The following RAD51B variants were observed in gnomAD, a reference collection of about 807,000 sequenced individuals.
RAD51B encodes RAD51 paralog B, also known as DNA repair protein RAD51 homolog 2.
Under a neutral mutation model 42.2 loss-of-function variants are expected in RAD51B, and 38 were observed. That is an observed-to-expected ratio of 0.90 (90% CI 0.70 to 1.18). RAD51B has a LOEUF of 1.18. RAD51B is among the 50% of genes most tolerant of loss of function. The probability of loss-of-function intolerance (pLI) is 0.00; values close to 1 mark genes in which losing one functional copy is unlikely to be tolerated. For synonymous variants in RAD51B, 154 were observed against 145.2 expected, an observed-to-expected ratio of 1.06 and a Z score of -0.43; for missense variants, 373 against 400.7, an observed-to-expected ratio of 0.93 and a Z score of 0.59.
intron 6 of RAD51B, 28 bp from the exon 7 acceptor site, chr14:67,886,993 G>T: frequency 1.5e-6 from 2 of 1,332,634 alleles, no homozygotes; most frequent in South Asian, 1.5e-5. Flanking sequence ...TAAATTTATT[G>T]ACTATTTTAT....
intron 9 of RAD51B, among the ~76,000 whole-genome samples, chr14:68,444,710 T>C (rs572693653): frequency 6.6e-6 from 1 of 152,282 alleles, no homozygotes; most frequent in South Asian, 2.1e-4. Flanking sequence ...ATTTGCTGTA[T>C]TTTGTCACAC....
chr14:68,475,111 C>T (rs1465638054), intron 10 of RAD51B, among the ~76,000 whole-genome samples: 1 of 152,120 alleles, frequency 6.6e-6, no homozygotes, highest in East Asian at 1.9e-4. Context: ...ATCCCCCATC[C>T]CTTAAGGACA....
intron 9 of RAD51B, among the ~76,000 whole-genome samples, chr14:68,466,684 C>CA (rs1455769320): frequency 1.4e-4 from 21 of 152,328 alleles, no homozygotes; most frequent in African/African-American, 4.8e-4. Context: ...CTTATGAAAA[C>CA]ATAATCCAGA....
chr14:68,658,607 C>T (rs1282412711), intron 11 of RAD51B, among the ~76,000 whole-genome samples: 2 of 152,194 alleles, frequency 1.3e-5, no homozygotes, highest in Non-Finnish European at 2.9e-5. Flanking sequence ...GAATGAACTA[C>T]ACTCCATCCA....
At chr14:68,404,554 G>T (rs975971958) in intron 8 of RAD51B, among the ~76,000 whole-genome samples, 1 of 152,144 alleles carries the variant, frequency 6.6e-6, no homozygotes, top group Non-Finnish European at 1.5e-5. Context: ...GTAACTTACA[G>T]TTTCCCTACC....
rs1354323527 is a variant in RAD51B, at chr14:68,648,028, TATATATATACAC to T, written c.1037-2751_1037-2740del. 1.1e-3 allele frequency among the ~76,000 whole-genome samples: 113 copies of T among 104,554 alleles called. 2 individuals carry two copies. The highest frequency in any genetic ancestry group is 4.0e-3 in the African/African-American group (110 of 27,226). The allele number at this position is 104,554 out of a possible 152,430, so 68.6% of individuals were successfully genotyped here. On this transcript the variant is annotated intron_variant, in intron 10 of 11. Coordinates refer to the RAD51B transcript ENST00000488612. Reference sequence around the variant, plus strand: ...GCATATATATATATATATACGTATATATATATATACACACGTATATAGATGTGTGTGTGTATA... The same window carrying T: ...GCATATATATATATATATACGTATATACGTATATAGATGTGTGTGTGTATA...
chr14:68,264,834 C>T (rs1039807021), intron 7 of RAD51B, among the ~76,000 whole-genome samples: 1 of 152,108 alleles, frequency 6.6e-6, no homozygotes, highest in Non-Finnish European at 1.5e-5. Flanking sequence ...TCCTTCTTTA[C>T]CGTTTCTCGT....
At chr14:68,180,723 C>A (rs953755219) in intron 7 of RAD51B, among the ~76,000 whole-genome samples, 1 of 152,104 alleles carries the variant, frequency 6.6e-6, no homozygotes, top group Non-Finnish European at 1.5e-5. Flanking sequence ...AGAAAGACGG[C>A]GAGCAGATGT....
At chr14:68,329,846 G>A (rs573412323) in intron 8 of RAD51B, among the ~76,000 whole-genome samples, 16 of 152,172 alleles carry the variant, frequency 1.1e-4, no homozygotes, top group Non-Finnish European at 1.5e-4. Context: ...GCTGGGCATG[G>A]CGCTGCACAC....
chr14:68,631,625 A>G (rs1035567940), intron 10 of RAD51B, among the ~76,000 whole-genome samples: 4 of 152,178 alleles, frequency 2.6e-5, no homozygotes, highest in Non-Finnish European at 5.9e-5. Context: ...AAAGAGTATA[A>G]GGTGCACCTT....
At chr14:67,872,971 A>G (rs1318148563) in intron 5 of RAD51B, among the ~76,000 whole-genome samples, 1 of 152,240 alleles carries the variant, frequency 6.6e-6, no homozygotes, top group East Asian at 1.9e-4. Context: ...TGTAAGACCT[A>G]AAACCATAAA....
chr14:68,184,608 T>TAA (rs748047329), intron 7 of RAD51B, among the ~76,000 whole-genome samples: 3,265 of 20,950 alleles, frequency 0.16, 139 homozygotes, highest in African/African-American at 0.26. Context: ...AGGCCCTGTC[T>TAA]AAAAAAAAAA....
At chr14:68,313,001 CT>C (rs1159439064) in intron 8 of RAD51B, among the ~76,000 whole-genome samples, 4 of 152,170 alleles carry the variant, frequency 2.6e-5, no homozygotes, top group Admixed American at 1.3e-4. Flanking sequence ...TGACTGGTTG[CT>C]GATTTCCAGC....
At chr14:68,480,148 C>T (rs1566907350), downstream of RAD51B, among the ~76,000 whole-genome samples, 1 of 152,228 alleles carries the variant, frequency 6.6e-6, no homozygotes, top group Admixed American at 6.5e-5. Context: ...TCTTGGCCCA[C>T]TGCAACCCCT....
intron 10 of RAD51B, among the ~76,000 whole-genome samples, chr14:68,604,009 C>T (rs1025426756): frequency 2.0e-5 from 3 of 152,262 alleles, no homozygotes; most frequent in Admixed American, 6.5e-5. Context: ...GAGGCCACAG[C>T]GGCCTCAGGC....
chr14:67,990,867 T>C (rs2075285116), intron 7 of RAD51B, among the ~76,000 whole-genome samples: 1 of 152,196 alleles, frequency 6.6e-6, no homozygotes, highest in Non-Finnish European at 1.5e-5. Context: ...CAAGCTACCC[T>C]TTTTTTCTCA....
chr14:68,190,149 T>C (rs966103218), intron 7 of RAD51B, among the ~76,000 whole-genome samples: 5 of 152,102 alleles, frequency 3.3e-5, no homozygotes, highest in Non-Finnish European at 7.3e-5. Flanking sequence ...AAGCTAGATG[T>C]AGAAAACTTG....
At chr14:68,516,445 C>T (rs1886161697) in intron 10 of RAD51B, among the ~76,000 whole-genome samples, 1 of 152,194 alleles carries the variant, frequency 6.6e-6, no homozygotes, top group African/African-American at 2.4e-5. Flanking sequence ...CTCATATCGG[C>T]TTCTGCATTC....
chr14:68,514,647 C>CG lies in RAD51B; in HGVS notation c.1036+46398dup, dbSNP rs138739354. On this transcript the variant is annotated intron_variant, in intron 10 of 10. Coordinates refer to the RAD51B transcript ENST00000487270. The stretch of plus-strand genomic sequence containing the variant: ...CTTGGGGTTTTTGTTGTTGCTTAAA[C>CG]GTTTATTAACTGCAGGCATTTGGCG... 5.1e-3 allele frequency among the ~76,000 whole-genome samples: 769 copies of CG among 152,168 alleles called. 5 individuals are homozygous for CG. The highest frequency in any genetic ancestry group is 7.1e-3 in the Non-Finnish European group (481 of 68,018).
Sources: gnomAD v4.1 joint callset for allele counts (sites outside exome capture counted in the v4.1 genomes callset) on GRCh38, gnomAD v4.1.1 for gene constraint, MANE v1.5 for transcripts, NCBI Gene and HGNC (gene_info 2026-07-23, HGNC 2026-07-21) for gene names.